Variants in RALGPS1 observed in about 807,000 individuals in gnomAD.
RALGPS1 encodes Ral GEF with PH domain and SH3 binding motif 1, also known as ras-specific guanine nucleotide-releasing factor RalGPS1.
A neutral mutation model predicts 78.8 loss-of-function variants in RALGPS1; 19 were observed. The observed-to-expected ratio is 0.24, with a 90% CI of 0.17 to 0.35. RALGPS1 has a LOEUF of 0.35. RALGPS1 is among the 10% of genes least tolerant of loss of function. The probability of loss-of-function intolerance (pLI) is 1.00; values close to 1 mark genes in which losing one functional copy is unlikely to be tolerated. For missense variants in RALGPS1, 454 were observed against 688.3 expected, an observed-to-expected ratio of 0.66 and a Z score of 3.81; for synonymous variants, 228 against 256.3, an observed-to-expected ratio of 0.89 and a Z score of 1.06.
chr9:127,144,615 G>A (rs7038792), intron 8 of RALGPS1, among the ~76,000 whole-genome samples: 13,966 of 152,176 alleles, frequency 0.092, 1,913 homozygotes, highest in African/African-American at 0.3. Context: ...TCCACCAAAG[G>A]ATGAATAGAT....
chr9:127,084,331 C>T (rs369335727), intron 8 of RALGPS1, among the ~76,000 whole-genome samples: 4 of 152,256 alleles, frequency 2.6e-5, no homozygotes, highest in East Asian at 1.9e-4. Context: ...GGAGAGAGAA[C>T]GGCCCATCTT....
chr9:127,100,269 G>T (rs1303056559), intron 8 of RALGPS1, among the ~76,000 whole-genome samples: 1 of 152,172 alleles, frequency 6.6e-6, no homozygotes, highest in Non-Finnish European at 1.5e-5. Flanking sequence ...TCTATTAAAT[G>T]TGTGAGGTAG....
intron 8 of RALGPS1, among the ~76,000 whole-genome samples, chr9:127,105,292 G>A (rs564425274): frequency 5.9e-5 from 9 of 152,254 alleles, no homozygotes; most frequent in South Asian, 4.2e-4. Flanking sequence ...CCATGACGGC[G>A]TGCTTTCTTA....
intron 4 of RALGPS1, chr9:126,978,287 C>G (rs979571485): frequency 2.7e-5 from 4 of 147,884 alleles, no homozygotes; most frequent in African/African-American, 9.9e-5. Flanking sequence ...TGAGACCAGC[C>G]TGAGCAAAAT....
intron 1 of RALGPS1, among the ~76,000 whole-genome samples, chr9:126,916,381 C>T (rs1361577488): frequency 6.6e-6 from 1 of 152,200 alleles, no homozygotes; most frequent in African/African-American, 2.4e-5. Flanking sequence ...GTTTGCTGAC[C>T]TTTAGACCCC....
chr9:126,980,673 T>G (rs138788166), intron 4 of RALGPS1, among the ~76,000 whole-genome samples: 1 of 152,362 alleles, frequency 6.6e-6, no homozygotes, highest in African/African-American at 2.4e-5. Flanking sequence ...TTTTCTTGCG[T>G]AGTTACTAAG....
At position 127,034,469 on chromosome 9, in the gene RALGPS1, C is replaced by T. The variant is rs745736947; in HGVS notation, c.255C>T (p.His85=). The T allele has an allele frequency of 4.3e-6, 7 of 1,614,144 alleles. No individual in the cohort carries two copies. The Admixed American group carries it at 5.0e-5, about 12-fold the overall frequency. The part of the protein sequence containing the change: ...ASCGWSKKEK[H]SLAPNVVAFT... ...GTGGATGGAGTAAGAAGGAGAAACA[C>T]AGTCTTGCCCCTAACGTTGTGGCCT... Residue 85 remains histidine, a synonymous_variant, in exon 5 of 19, where the codon CAC becomes CAT. Coordinates refer to ENST00000259351, the MANE Select transcript of RALGPS1 (RefSeq NM_014636.3).
intron 1 of RALGPS1, among the ~76,000 whole-genome samples, chr9:126,956,039 C>T (rs923337723): frequency 6.6e-6 from 1 of 152,232 alleles, no homozygotes; most frequent in African/African-American, 2.4e-5. Flanking sequence ...CCCCTGCTTT[C>T]ATCCCTCTGA....
chr9:127,210,619 C>T (rs1228275057), intron 14 of RALGPS1: 41 of 1,102,866 alleles, frequency 3.7e-5, no homozygotes, highest in Non-Finnish European at 4.7e-5. Flanking sequence ...ACTATGTTGT[C>T]GGGGTGCTCT....
chr9:127,115,039 C>T (rs2055251738), intron 8 of RALGPS1, among the ~76,000 whole-genome samples: 1 of 152,122 alleles, frequency 6.6e-6, no homozygotes, highest in Non-Finnish European at 1.5e-5. Context: ...GATCAGGTGA[C>T]CAGTAGTATT....
intron 1 of RALGPS1, among the ~76,000 whole-genome samples, chr9:126,945,936 G>GATATAGATATCCTATATATAGGT (rs2037220903): frequency 6.6e-6 from 1 of 152,200 alleles, no homozygotes; most frequent in Non-Finnish European, 1.5e-5. Context: ...GTATGCTTTA[G>GATATAGATATCCTATATATAGGT]ATATAGGAAA....
In RALGPS1 at chr9:127,152,248, T is replaced by C. The variant is rs979602940; in HGVS notation, c.611-13821T>C. Among the ~76,000 whole-genome samples, 8 of 152,210 alleles carry C rather than the reference T, an allele frequency of 5.3e-5. No individual in the cohort carries two copies. The East Asian group carries it at 1.5e-3, about 29-fold the overall frequency. ...CTCTTATCCCTCTACTTCTCCTACA[T>C]GCAGTTCAAACCCATTACTTGGAAG... On this transcript the variant is annotated intron_variant, in intron 8 of 18. Coordinates refer to ENST00000259351, the MANE Select transcript of RALGPS1 (RefSeq NM_014636.3).
At chr9:127,074,310 T>C (rs1186543882) in intron 8 of RALGPS1, among the ~76,000 whole-genome samples, 1 of 152,278 alleles carries the variant, frequency 6.6e-6, no homozygotes, top group African/African-American at 2.4e-5. Context: ...TTTCACCTTA[T>C]GCCATAGATT....
chr9:127,160,363 T>C (rs1349464817), intron 8 of RALGPS1, among the ~76,000 whole-genome samples: 1 of 152,170 alleles, frequency 6.6e-6, no homozygotes, highest in Non-Finnish European at 1.5e-5. Flanking sequence ...CTGCCCCTTG[T>C]GTTGAGGCCA....
intron 8 of RALGPS1, among the ~76,000 whole-genome samples, chr9:127,112,478 A>G (rs780040840): frequency 3.5e-4 from 53 of 152,370 alleles, no homozygotes; most frequent in Admixed American, 1.3e-4. Flanking sequence ...CCAGAGGCCC[A>G]GGAGGCAACC....
intron 5 of RALGPS1, among the ~76,000 whole-genome samples, chr9:127,044,634 A>G (rs374428213): frequency 2.0e-5 from 3 of 152,166 alleles, no homozygotes; most frequent in African/African-American, 4.8e-5. Flanking sequence ...ACATGAGTAT[A>G]TTGCATGATG....
At chr9:127,051,112 A>C (rs1020103970) in intron 6 of RALGPS1, among the ~76,000 whole-genome samples, 1 of 152,198 alleles carries the variant, frequency 6.6e-6, no homozygotes, top group Admixed American at 6.5e-5. Flanking sequence ...TAAGTGCATC[A>C]TCTATTTATG....
intron 8 of RALGPS1, among the ~76,000 whole-genome samples, chr9:127,138,313 T>C (rs2057536878): frequency 1.3e-5 from 2 of 152,054 alleles, no homozygotes; most frequent in South Asian, 4.2e-4. Flanking sequence ...GTGGCTGCAT[T>C]GTCAGTAAGG....
chr9:126,923,545 G>C (rs2034972682), intron 1 of RALGPS1, among the ~76,000 whole-genome samples: 1 of 152,160 alleles, frequency 6.6e-6, no homozygotes, highest in Admixed American at 6.5e-5. Context: ...TGGAATGATG[G>C]GTTTAAGGTC....
Sources: allele counts gnomAD v4.1 joint callset (sites outside exome capture counted in the v4.1 genomes callset), GRCh38; gene constraint gnomAD v4.1.1; transcripts MANE v1.5; gene names NCBI Gene and HGNC (gene_info 2026-07-23, HGNC 2026-07-21).